Variants in SULT1B1 observed in about 807,000 individuals in gnomAD.
SULT1B1 encodes sulfotransferase 1B1.
Under a neutral mutation model 34.6 loss-of-function variants are expected in SULT1B1, and 28 were observed. The observed-to-expected ratio is 0.81, with a 90% CI of 0.60 to 1.11. The LOEUF is 1.11. Ranked by LOEUF, SULT1B1 falls within the 50% of genes least tolerant of loss-of-function variation. The pLI is 0.00. For synonymous variants in SULT1B1, 147 were observed against 110.2 expected (o/e 1.33, Z -2.09); for missense variants, 374 against 352.2 (o/e 1.06, Z -0.50).
At chr4:69,728,152 C>T (rs1717911111) in intron 7 of SULT1B1, among the ~76,000 whole-genome samples, 1 of 151,946 alleles carries the variant, frequency 6.6e-6, no homozygotes, top group Non-Finnish European at 1.5e-5. Flanking sequence ...GCTAATGCAT[C>T]CGTAAGGATG....
chr4:69,749,186 C>T (rs976723732), intron 4 of SULT1B1, among the ~76,000 whole-genome samples: 1 of 151,832 alleles, frequency 6.6e-6, no homozygotes, highest in Admixed American at 6.6e-5. Flanking sequence ...ATCCTGCAGC[C>T]GTTAAAATAA....
intron 4 of SULT1B1, among the ~76,000 whole-genome samples, chr4:69,739,880 C>A (rs2110022679): frequency 6.6e-6 from 1 of 152,324 alleles, no homozygotes; most frequent in Non-Finnish European, 1.5e-5. Flanking sequence ...TTTGATAAAG[C>A]ATAGCAAGAG....
intron 1 of SULT1B1, among the ~76,000 whole-genome samples, chr4:69,756,837 C>T (rs1179547726): frequency 6.6e-6 from 1 of 152,112 alleles, no homozygotes; most frequent in Non-Finnish European, 1.5e-5. Context: ...CCAGGAGAGT[C>T]ACCCTTTTGG....
intron 6 of SULT1B1, among the ~76,000 whole-genome samples, chr4:69,732,927 G>C (rs1264102163): frequency 6.6e-6 from 1 of 151,986 alleles, no homozygotes; most frequent in South Asian, 2.1e-4. Flanking sequence ...TGGAGAGAAA[G>C]AAAATAAGTT....
intron 4 of SULT1B1, among the ~76,000 whole-genome samples, chr4:69,748,471 A>G (rs1718840488): frequency 6.6e-6 from 1 of 152,220 alleles, no homozygotes; most frequent in African/African-American, 2.4e-5. Context: ...GAACTGCTAG[A>G]CATAAAACAA....
intron 3 of SULT1B1, among the ~76,000 whole-genome samples, chr4:69,752,038 C>T (rs1194802913): frequency 6.6e-6 from 1 of 152,228 alleles, no homozygotes; most frequent in Non-Finnish European, 1.5e-5. Flanking sequence ...AACATCAAGA[C>T]ATAACATAGT....
chr4:69,727,261 T>A (rs748499876), intron 7 of SULT1B1, 61 bp from the exon 8 acceptor site: 4 of 1,332,184 alleles, frequency 3.0e-6, no homozygotes, highest in Non-Finnish European at 4.1e-6. Flanking sequence ...GAAATCAGTA[T>A]ATACCAAAGG....
At chr4:69,729,915 A>T (rs1718000939) in intron 7 of SULT1B1, among the ~76,000 whole-genome samples, 1 of 152,162 alleles carries the variant, frequency 6.6e-6, no homozygotes, top group African/African-American at 2.4e-5. Context: ...CAATAAACAG[A>T]CTACTTAAAT....
rs775429230 is a variant in SULT1B1, at chr4:69,733,505, C to T, written c.505G>A (p.Ala169Thr). The stretch of plus-strand genomic sequence containing the variant: ...ACATGAGTAAACCAGGAACCATAGG[C>T]CACTAAAACCAGATAAAAGTCTATT... ...YLEKFLTGKV[A>T]YGSWFTHVKN... The change falls in exon 6 of 8, where the codon GCC becomes ACC. Residue 169 changes from alanine (A) to threonine (T), a missense_variant and splice_region_variant. Coordinates refer to ENST00000310613, the MANE Select transcript of SULT1B1 (RefSeq NM_014465.4). 1.3e-6 allele frequency: 2 copies of T among 1,585,756 alleles called. No homozygotes were observed. Among genetic ancestry groups the T allele is most frequent in the Non-Finnish European group, 1.7e-6 (2 of 1,167,944 alleles).
intron 4 of SULT1B1, among the ~76,000 whole-genome samples, chr4:69,743,757 CTA>C (rs1223040907): frequency 6.6e-6 from 1 of 152,204 alleles, no homozygotes; most frequent in African/African-American, 2.4e-5. Context: ...TCCAACTGGG[CTA>C]TGACAGCACC....
rs992928842 is a variant in SULT1B1 at position 69,722,375 on chromosome 4, G to A, written c.*4713C>T. ...AGTGGTGTTTTTTCCCTCAGTAATAGACCATAGTATCAGAAATCCGTATAT... is the reference window on the plus strand; with the variant it reads ...AGTGGTGTTTTTTCCCTCAGTAATAAACCATAGTATCAGAAATCCGTATAT... On this transcript the variant is annotated 3_prime_UTR_variant, in exon 8 of 8. Coordinates refer to ENST00000310613, the MANE Select transcript of SULT1B1 (RefSeq NM_014465.4). 1 of 151,998 alleles carries A rather than the reference G, an allele frequency of 6.6e-6. No individual in the cohort carries two copies. Among genetic ancestry groups the A allele is most frequent in the African/African-American group, 2.4e-5 (1 of 41,394 alleles). 9.4% of individuals were successfully genotyped at this position (151,998 alleles called of 1,614,324 possible).
intron 4 of SULT1B1, among the ~76,000 whole-genome samples, chr4:69,743,827 C>T (rs764767772): frequency 2.0e-5 from 3 of 152,238 alleles, no homozygotes; most frequent in Non-Finnish European, 2.9e-5. Flanking sequence ...CGGGTAGTGG[C>T]CAGATAGTGG....
intron 4 of SULT1B1, among the ~76,000 whole-genome samples, chr4:69,736,561 A>G (rs1021426069): frequency 2.0e-5 from 3 of 152,206 alleles, no homozygotes; most frequent in African/African-American, 7.2e-5. Context: ...TCACACAAAT[A>G]TATATATACA....
intron 3 of SULT1B1, among the ~76,000 whole-genome samples, 198 bp from the exon 4 acceptor site, chr4:69,750,016 A>G (rs1718917983): frequency 6.6e-6 from 1 of 152,156 alleles, no homozygotes; most frequent in Non-Finnish European, 1.5e-5. Context: ...GAGGTTAGCC[A>G]CCCTGAGTTC....
At chr4:69,745,101 T>C (rs1167782624) in intron 4 of SULT1B1, among the ~76,000 whole-genome samples, 5 of 152,178 alleles carry the variant, frequency 3.3e-5, no homozygotes, top group Non-Finnish European at 7.3e-5. Flanking sequence ...GTATGGTTGG[T>C]ATGATTTTGG....
intron 3 of SULT1B1, among the ~76,000 whole-genome samples, chr4:69,750,109 A>G (rs1024329840): frequency 2.6e-5 from 4 of 152,138 alleles, no homozygotes. Context: ...TCCATCTCCA[A>G]AAGGAGAGAT....
At chr4:69,747,879 C>T (rs1379579222) in intron 4 of SULT1B1, among the ~76,000 whole-genome samples, 1 of 152,064 alleles carries the variant, frequency 6.6e-6, no homozygotes, top group African/African-American at 2.4e-5. Flanking sequence ...TAGCTTCCTC[C>T]CCTTTTAGCT....
At chr4:69,728,635 G>GGGAAGGAA (rs55722168) in intron 7 of SULT1B1, among the ~76,000 whole-genome samples, 137,521 of 151,554 alleles carry the variant, frequency 0.91, 62,615 homozygotes, top group Admixed American at 0.93. Flanking sequence ...GGATACATCA[G>GGGAAGGAA]GGAAGGAAGG....
At chr4:69,756,234 G>C (rs1022853161) in intron 1 of SULT1B1, among the ~76,000 whole-genome samples, 11 of 151,902 alleles carry the variant, frequency 7.2e-5, no homozygotes, top group Non-Finnish European at 1.3e-4. Context: ...GTTTTCAATT[G>C]ATTGATTTTT....
Sources: gnomAD v4.1 joint callset for allele counts (sites outside exome capture counted in the v4.1 genomes callset) on GRCh38, gnomAD v4.1.1 for gene constraint, MANE v1.5 for transcripts, NCBI Gene and HGNC (gene_info 2026-07-23, HGNC 2026-07-21) for gene names.